Variants in CHD9 observed in about 807,000 individuals in gnomAD.
CHD9 encodes ATP-dependent chromatin remodeler CHD9.
CHD9 carries 77 observed loss-of-function variants against 316.1 expected under a neutral mutation model. The observed-to-expected ratio is 0.24, with a 90% CI of 0.20 to 0.29. CHD9 has a LOEUF of 0.29. Among genes scored for constraint, CHD9 ranks in the 10% least tolerant of loss-of-function variants. CHD9 has a pLI of 1.00. For synonymous variants in CHD9, 1,129 were observed against 1,158.3 expected (o/e 0.97, Z 0.51); for missense variants, 2,763 against 3,438.1 (o/e 0.80, Z 4.91).
intron 17 of CHD9, among the ~76,000 whole-genome samples, chr16:53,252,886 A>T (rs945969007): frequency 9.9e-5 from 15 of 152,156 alleles, no homozygotes; most frequent in African/African-American, 3.4e-4. Context: ...ATAATCAAAA[A>T]ATCGAAAAAC....
intron 30 of CHD9, among the ~76,000 whole-genome samples, chr16:53,297,974 A>T (rs905294396): frequency 1.3e-5 from 2 of 152,254 alleles, no homozygotes; most frequent in African/African-American, 4.8e-5. Flanking sequence ...CTAAAGCAAA[A>T]TAATGTGTCA....
intron 3 of CHD9, among the ~76,000 whole-genome samples, chr16:53,220,225 T>A (rs1345191738): frequency 6.6e-6 from 1 of 152,230 alleles, no homozygotes; most frequent in African/African-American, 2.4e-5. Flanking sequence ...CTGTATTTCT[T>A]ACTGTTATTT....
At chr16:53,187,213 G>A (rs1199820007) in intron 2 of CHD9, among the ~76,000 whole-genome samples, 3 of 152,150 alleles carry the variant, frequency 2.0e-5, no homozygotes, top group African/African-American at 7.2e-5. Flanking sequence ...CAAGAAGAAA[G>A]TGTAGAGGGA....
intron 1 of CHD9, among the ~76,000 whole-genome samples, chr16:53,106,958 A>C (rs545016355): frequency 9.8e-5 from 15 of 152,366 alleles, no homozygotes; most frequent in African/African-American, 3.4e-4. Context: ...GAAGACTGTG[A>C]AATGAATTAG....
chr16:53,109,743 G>A (rs1327153663), intron 1 of CHD9, among the ~76,000 whole-genome samples: 2 of 131,732 alleles, frequency 1.5e-5, no homozygotes, highest in Non-Finnish European at 3.1e-5. Flanking sequence ...GGAGTGCAGT[G>A]GCGTGATCTC....
intron 1 of CHD9, among the ~76,000 whole-genome samples, chr16:53,089,051 G>C (rs1175275851): frequency 6.6e-6 from 1 of 152,082 alleles, no homozygotes; most frequent in African/African-American, 2.4e-5. Flanking sequence ...GGCGGAGGTT[G>C]CAGTGAGCCG....
chr16:53,183,702 C>A (rs1179635029), intron 2 of CHD9, among the ~76,000 whole-genome samples: 1 of 152,060 alleles, frequency 6.6e-6, no homozygotes, highest in Non-Finnish European at 1.5e-5. Flanking sequence ...TCGCTTGAGG[C>A]CAGGAGTTCG....
At chr16:53,258,281 A>G (rs2050779981) in intron 19 of CHD9, among the ~76,000 whole-genome samples, 1 of 152,130 alleles carries the variant, frequency 6.6e-6, no homozygotes, top group African/African-American at 2.4e-5. Flanking sequence ...TATTTTCCTT[A>G]GAGAACTCAA....
At position 53,285,557 on chromosome 16, in the gene CHD9, TATA is replaced by T. The variant is rs770951158; in HGVS notation, c.4968-33_4968-31del. ...AATTTTGCCTCCTTTTTGACTCATTTATAATAATTCATAATGCCATATTATGAT... is the reference window on the plus strand; with the variant it reads ...AATTTTGCCTCCTTTTTGACTCATTTATAATTCATAATGCCATATTATGAT... On this transcript the variant is annotated intron_variant, in intron 24 of 38. Coordinates refer to ENST00000447540, the MANE Select transcript of CHD9 (RefSeq NM_001308319.2). 159 of 1,370,146 alleles carry T rather than the reference TATA, an allele frequency of 1.2e-4. 1 individual carries two copies. In the South Asian group the frequency reaches 2.0e-3, roughly 17 times the overall value. 84.9% of individuals were successfully genotyped at this position (1,370,146 alleles called of 1,614,324 possible).
chr16:53,105,888 G>A (rs1487259173), intron 1 of CHD9, among the ~76,000 whole-genome samples: 1 of 151,498 alleles, frequency 6.6e-6, no homozygotes, highest in Non-Finnish European at 1.5e-5. Flanking sequence ...CAATAGCGCG[G>A]TCTTGGTCAC....
chr16:53,248,494 T>G (rs1186024711), intron 16 of CHD9, among the ~76,000 whole-genome samples: 20 of 151,238 alleles, frequency 1.3e-4, no homozygotes, highest in Non-Finnish European at 7.4e-5. Context: ...TATTTTTTTT[T>G]GTTTGTTTTT....
intron 2 of CHD9, among the ~76,000 whole-genome samples, chr16:53,204,048 AAT>A (rs1555507904): frequency 1.3e-4 from 10 of 77,478 alleles, no homozygotes; most frequent in Non-Finnish European, 2.1e-4. Flanking sequence ...AAAAAAAAAA[AAT>A]ATATATATAC....
chr16:53,118,740 T>A (rs1344643999), intron 1 of CHD9, among the ~76,000 whole-genome samples: 1 of 152,028 alleles, frequency 6.6e-6, no homozygotes, highest in African/African-American at 2.4e-5. Context: ...ATCATAATGA[T>A]GTCTTGATAA....
At chr16:53,277,388 G>A (rs996105208) in intron 24 of CHD9, among the ~76,000 whole-genome samples, 49 of 152,048 alleles carry the variant, frequency 3.2e-4, no homozygotes, top group African/African-American at 1.1e-3. Flanking sequence ...ATCCAGCAAC[G>A]TATCAAAAAG....
intron 1 of CHD9, among the ~76,000 whole-genome samples, chr16:53,094,790 C>G (rs2036244566): frequency 6.6e-6 from 1 of 151,958 alleles, no homozygotes; most frequent in Non-Finnish European, 1.5e-5. Flanking sequence ...CAGGCATGCA[C>G]CACCACACCC....
chr16:53,226,636 T>A, intron 5 of CHD9, 124 bp downstream of exon 5: 1 of 1,029,422 alleles, frequency 9.7e-7, no homozygotes. Flanking sequence ...TATTATTAGT[T>A]AATTGAGTCA....
intron 1 of CHD9, among the ~76,000 whole-genome samples, chr16:53,122,457 C>T (rs1373711279): frequency 2.0e-5 from 3 of 151,764 alleles, no homozygotes; most frequent in Non-Finnish European, 2.9e-5. Context: ...ATCTTTTTGT[C>T]TCAACGTGTT....
At chr16:53,107,168 C>T (rs2037422780) in intron 1 of CHD9, among the ~76,000 whole-genome samples, 1 of 151,964 alleles carries the variant, frequency 6.6e-6, no homozygotes, top group African/African-American at 2.4e-5. Flanking sequence ...GGCGTGGTGG[C>T]TCACACTTGT....
chr16:53,205,608 T>A (rs1477346238), intron 2 of CHD9, among the ~76,000 whole-genome samples: 1 of 152,230 alleles, frequency 6.6e-6, no homozygotes, highest in Non-Finnish European at 1.5e-5. Context: ...TAAAATGCTG[T>A]ATTCTAGTAG....
Sources: allele counts gnomAD v4.1 joint callset (sites outside exome capture counted in the v4.1 genomes callset), GRCh38; gene constraint gnomAD v4.1.1; transcripts MANE v1.5; gene names NCBI Gene and HGNC (gene_info 2026-07-23, HGNC 2026-07-21).